Variants in PDE3B observed in about 807,000 individuals in gnomAD.
PDE3B encodes the protein phosphodiesterase 3B.
A neutral mutation model predicts 116.8 loss-of-function variants in PDE3B; 66 were observed. The ratio of observed to expected loss-of-function variants is 0.56; its 90% CI spans 0.46 to 0.69. The LOEUF (loss-of-function observed/expected upper bound fraction) is 0.69. Ranked by LOEUF, PDE3B falls within the 30% of genes least tolerant of loss-of-function variation. The pLI is 0.00. For missense variants in PDE3B, 1,384 were observed against 1,368.1 expected, an observed-to-expected ratio of 1.01 and a Z score of -0.18; for synonymous variants, 595 against 533.6, an observed-to-expected ratio of 1.12 and a Z score of -1.59.
intron 1 of PDE3B, among the ~76,000 whole-genome samples, chr11:14,652,247 C>G: frequency 6.6e-6 from 1 of 152,028 alleles, no homozygotes; most frequent in Non-Finnish European, 1.5e-5. Context: ...TGTTAATAAC[C>G]TTTCAACAAA....
chr11:14,889,470 G>A, the PDE3B span, among the ~76,000 whole-genome samples: 1 of 152,130 alleles, frequency 6.6e-6, no homozygotes, highest in African/African-American at 2.4e-5. Flanking sequence ...TAGATCTAAG[G>A]CATAGTGAGG....
intron 2 of PDE3B, among the ~76,000 whole-genome samples, chr11:14,781,025 ACT>A (rs1857980558): frequency 1.3e-5 from 2 of 152,216 alleles, no homozygotes; most frequent in South Asian, 4.1e-4. Flanking sequence ...ATCTGAGAAT[ACT>A]GTAAACACCC....
At chr11:14,885,705 C>T in the PDE3B span, 3 of 1,531,400 alleles carry the variant, frequency 2.0e-6, no homozygotes, top group Admixed American at 1.7e-5. Context: ...ACTGTATGCA[C>T]TAAAACTTAA....
At chr11:14,647,901 TGTATCAGTTCAGTTC>T in intron 1 of PDE3B, among the ~76,000 whole-genome samples, 1 of 151,706 alleles carries the variant, frequency 6.6e-6, no homozygotes, top group Non-Finnish European at 1.5e-5. Flanking sequence ...ATGCTATATA[TGTATCAGTTCAGTTC>T]TTAACTAAGG....
At chr11:14,653,543 C>A (rs1402401616) in intron 1 of PDE3B, among the ~76,000 whole-genome samples, 1 of 151,292 alleles carries the variant, frequency 6.6e-6, no homozygotes, top group Non-Finnish European at 1.5e-5. Context: ...CCAGCCTGGG[C>A]GACAGAGCAA....
intron 1 of PDE3B, among the ~76,000 whole-genome samples, chr11:14,694,451 A>G (rs2133810053): frequency 6.6e-6 from 1 of 152,324 alleles, no homozygotes; most frequent in East Asian, 1.9e-4. Flanking sequence ...CACCACCCTG[A>G]TAAGTCAGCA....
At chr11:14,670,709 T>C (rs1273171367) in intron 1 of PDE3B, among the ~76,000 whole-genome samples, 1 of 152,140 alleles carries the variant, frequency 6.6e-6, no homozygotes, top group Non-Finnish European at 1.5e-5. Context: ...CATAATAGTC[T>C]ATTACTTTAT....
chr11:14,660,719 T>C (rs1853875026), intron 1 of PDE3B, among the ~76,000 whole-genome samples: 2 of 152,206 alleles, frequency 1.3e-5, no homozygotes, highest in Non-Finnish European at 2.9e-5. Flanking sequence ...TCTGAAGTGC[T>C]TATAATAGCT....
chr11:14,805,441 A>G (rs576200396), intron 5 of PDE3B, among the ~76,000 whole-genome samples: 1 of 152,336 alleles, frequency 6.6e-6, no homozygotes, highest in South Asian at 2.1e-4. Flanking sequence ...TAGTATCCTC[A>G]CTTCCCTGCA....
intron 12 of PDE3B, among the ~76,000 whole-genome samples, chr11:14,854,103 A>G (rs1847805484): frequency 1.3e-5 from 2 of 152,174 alleles, no homozygotes; most frequent in African/African-American, 4.8e-5. Flanking sequence ...TTTTTATAAC[A>G]TTTCTGGAAA....
At chr11:14,742,558 A>C (rs1856802449) in intron 1 of PDE3B, among the ~76,000 whole-genome samples, 1 of 151,988 alleles carries the variant, frequency 6.6e-6, no homozygotes, top group Non-Finnish European at 1.5e-5. Context: ...ATCGTTTGTT[A>C]TTACCCACCT....
chr11:14,873,589 A>AAC (rs1772324019), downstream of PDE3B, among the ~76,000 whole-genome samples: 1 of 152,168 alleles, frequency 6.6e-6, no homozygotes, highest in Middle Eastern at 3.2e-3. Flanking sequence ...GGATGTGTTA[A>AAC]GAGAGTGAAG....
At chr11:14,833,884 C>G (rs1042077410) in intron 10 of PDE3B, among the ~76,000 whole-genome samples, 6 of 152,112 alleles carry the variant, frequency 3.9e-5, no homozygotes, top group Non-Finnish European at 7.4e-5. Context: ...TTAAGATGGA[C>G]TTCAAGGGAA....
downstream of PDE3B, among the ~76,000 whole-genome samples, chr11:14,873,705 G>A (rs1484015294): frequency 6.6e-6 from 1 of 152,212 alleles, no homozygotes; most frequent in Non-Finnish European, 1.5e-5. Flanking sequence ...TACAAGTATG[G>A]ATTTGGGAGT....
chr11:14,710,525 C>T (rs1315542013), intron 1 of PDE3B, among the ~76,000 whole-genome samples: 6 of 152,306 alleles, frequency 3.9e-5, no homozygotes, highest in Admixed American at 2.0e-4. Flanking sequence ...CTTTTCCCAT[C>T]AGGATTGATA....
intron 5 of PDE3B, 85 bp downstream of exon 5, chr11:14,804,135 T>A: frequency 1.4e-6 from 1 of 711,862 alleles, no homozygotes; most frequent in East Asian, 2.6e-5. Flanking sequence ...TATTTATAGC[T>A]AATTTTGAAT....
chr11:14,879,215 T>C, the PDE3B span: 2 of 1,613,252 alleles, frequency 1.2e-6, no homozygotes, highest in Non-Finnish European at 1.7e-6. Context: ...GTACTTTTCA[T>C]CAAAGTGTAC....
At chr11:14,707,502 G>T (rs1855568042) in intron 1 of PDE3B, among the ~76,000 whole-genome samples, 1 of 151,852 alleles carries the variant, frequency 6.6e-6, no homozygotes, top group Non-Finnish European at 1.5e-5. Context: ...TGGTATTAAC[G>T]GTGTGGCTTT....
intron 5 of PDE3B, among the ~76,000 whole-genome samples, chr11:14,807,272 G>A (rs1053507874): frequency 1.3e-5 from 2 of 152,062 alleles, no homozygotes; most frequent in African/African-American, 2.4e-5. Context: ...TAAAAAAATT[G>A]ATGGGTAAAC....
Sources: allele counts gnomAD v4.1 joint callset (sites outside exome capture counted in the v4.1 genomes callset), GRCh38; gene constraint gnomAD v4.1.1; transcripts MANE v1.5; gene names NCBI Gene and HGNC (gene_info 2026-07-23, HGNC 2026-07-21).